Variants in EYS observed in about 807,000 individuals in gnomAD.
The protein encoded by EYS is EGF-like photoreceptor maintenance factor, also known as protein eyes shut homolog.
Under a neutral mutation model 282.1 loss-of-function variants are expected in EYS, and 250 were observed. That is an observed-to-expected ratio of 0.89 (90% confidence interval 0.80 to 0.98). EYS has a LOEUF of 0.98. EYS is among the 50% of genes least tolerant of loss of function. The pLI is 0.00. For missense variants in EYS, 4,016 were observed against 3,709.0 expected, an observed-to-expected ratio of 1.08 and a Z score of -2.15; for synonymous variants, 1,355 against 1,282.9, an observed-to-expected ratio of 1.06 and a Z score of -1.20.
chr6:65,256,092 A>C (rs192231815), intron 12 of EYS, among the ~76,000 whole-genome samples: 1 of 152,194 alleles, frequency 6.6e-6, no homozygotes, highest in Admixed American at 6.6e-5. Flanking sequence ...ATTTGGAAGC[A>C]ACCTGCATGT....
chr6:65,161,077 A>G (rs1764840423), intron 12 of EYS, among the ~76,000 whole-genome samples: 1 of 150,940 alleles, frequency 6.6e-6, no homozygotes, highest in African/African-American at 2.4e-5. Context: ...TTTGGTGTAT[A>G]TTTTATACTC....
chr6:63,792,253 A>G (rs1408011868), intron 37 of EYS, among the ~76,000 whole-genome samples: 1 of 151,854 alleles, frequency 6.6e-6, no homozygotes, highest in East Asian at 2.0e-4. Context: ...ATGATAGCAT[A>G]CTATTCCCAT....
At chr6:64,777,926 AT>A (rs1412794041) in intron 22 of EYS, among the ~76,000 whole-genome samples, 1 of 152,158 alleles carries the variant, frequency 6.6e-6, no homozygotes, top group Non-Finnish European at 1.5e-5. Flanking sequence ...TTAATTAAGA[AT>A]ATGAATGTTT....
At chr6:64,642,978 G>GGT (rs1196798217) in intron 22 of EYS, among the ~76,000 whole-genome samples, 1 of 152,162 alleles carries the variant, frequency 6.6e-6, no homozygotes, top group African/African-American at 2.4e-5. Flanking sequence ...AGCTGGGCGT[G>GGT]GTGGCACATG....
intron 36 of EYS, among the ~76,000 whole-genome samples, chr6:63,829,741 T>C (rs1403407342): frequency 6.6e-6 from 1 of 152,204 alleles, no homozygotes; most frequent in Non-Finnish European, 1.5e-5. Context: ...GAGTTTGAGA[T>C]CTGAGAATGG....
chr6:65,536,656 A>T (rs1415377659), intron 2 of EYS, among the ~76,000 whole-genome samples: 1 of 152,144 alleles, frequency 6.6e-6, no homozygotes, highest in Admixed American at 6.6e-5. Flanking sequence ...CTTGTCTGAG[A>T]TGGTGTAAAA....
At chr6:64,550,052 C>T (rs374107297) in intron 26 of EYS, among the ~76,000 whole-genome samples, 12 of 152,132 alleles carry the variant, frequency 7.9e-5, no homozygotes, top group East Asian at 1.9e-4. Flanking sequence ...CATGTCCCCA[C>T]GAAGCACATG....
intron 26 of EYS, among the ~76,000 whole-genome samples, chr6:64,494,075 C>T (rs1274179404): frequency 6.6e-6 from 1 of 151,546 alleles, no homozygotes; most frequent in Non-Finnish European, 1.5e-5. Context: ...TCACACAGTG[C>T]TAGAAAAACT....
chr6:65,604,470 A>T (rs1765715201), intron 2 of EYS, among the ~76,000 whole-genome samples: 1 of 152,004 alleles, frequency 6.6e-6, no homozygotes, highest in African/African-American at 2.4e-5. Context: ...AAAAGGGAAA[A>T]GTAAAGCCAT....
At chr6:63,766,761 C>T (rs1036062432) in intron 40 of EYS, among the ~76,000 whole-genome samples, 23 of 151,920 alleles carry the variant, frequency 1.5e-4, no homozygotes, top group African/African-American at 5.3e-4. Flanking sequence ...AGGAAATCCA[C>T]CTTTTAGTCA....
chr6:64,412,988 G>C (rs542343786), intron 28 of EYS, among the ~76,000 whole-genome samples: 2 of 152,210 alleles, frequency 1.3e-5, no homozygotes, highest in South Asian at 4.1e-4. Flanking sequence ...GAGGATACTA[G>C]TAGAAGAGAG....
chr6:63,812,668 T>C (rs942985085), intron 36 of EYS, among the ~76,000 whole-genome samples: 7 of 152,088 alleles, frequency 4.6e-5, no homozygotes, highest in Admixed American at 3.3e-4. Flanking sequence ...TAGTAATATA[T>C]ATTATGATAG....
At chr6:64,502,401 T>C (rs1469866953) in intron 26 of EYS, among the ~76,000 whole-genome samples, 1 of 152,234 alleles carries the variant, frequency 6.6e-6, no homozygotes. Context: ...TTTTGTACTT[T>C]TAGTAGAGAC....
At chr6:64,296,581 TATAC>T (rs1200085729) in intron 30 of EYS, among the ~76,000 whole-genome samples, 82 of 6,514 alleles carry the variant, frequency 0.013, no homozygotes, top group African/African-American at 0.06. Context: ...TATATATATA[TATAC>T]ATATATATAT....
At position 64,230,834 on chromosome 6, in the gene EYS, A is replaced by G; in HGVS notation, c.6192-10T>C. On this transcript the variant is annotated splice_polypyrimidine_tract_variant and intron_variant, in intron 30 of 42. Coordinates refer to ENST00000503581, the MANE Select transcript of EYS (RefSeq NM_001142800.2). ...CATAAATCCCTGGGATCTGTGATTT[A>G]TAAACAGACAAGAAAACAAAATATA... is the stretch of plus-strand genomic sequence containing the variant. 6.7e-7 allele frequency: 1 copy of G among 1,503,208 alleles called. No homozygotes were observed. The highest frequency in any genetic ancestry group is 9.0e-7 in the Non-Finnish European group (1 of 1,109,750). The allele number at this position is 1,503,208 out of a possible 1,614,324, so 93.1% of individuals were successfully genotyped here.
At chr6:64,180,223 A>G (rs1582390141) in intron 31 of EYS, among the ~76,000 whole-genome samples, 2 of 152,142 alleles carry the variant, frequency 1.3e-5, no homozygotes, top group Admixed American at 1.3e-4. Flanking sequence ...CCCTTTCCCC[A>G]AAAGACAAGA....
intron 22 of EYS, among the ~76,000 whole-genome samples, chr6:64,812,262 CACACACAG>C (rs1207799298): frequency 2.0e-5 from 3 of 151,862 alleles, no homozygotes; most frequent in Admixed American, 6.6e-5. Flanking sequence ...CACACACACA[CACACACAG>C]GTACACACAC....
chr6:64,326,719 G>A (rs954774260), intron 29 of EYS, among the ~76,000 whole-genome samples: 6 of 152,152 alleles, frequency 3.9e-5, no homozygotes, highest in African/African-American at 1.4e-4. Context: ...GGCACTGCCA[G>A]GAGAGTTTCA....
At chr6:65,351,058 G>T (rs546095927) in intron 9 of EYS, among the ~76,000 whole-genome samples, 1 of 151,740 alleles carries the variant, frequency 6.6e-6, no homozygotes, top group East Asian at 1.9e-4. Flanking sequence ...AAGGAATTTT[G>T]CAATACATAA....
Sources: allele counts gnomAD v4.1 joint callset (sites outside exome capture counted in the v4.1 genomes callset), GRCh38; gene constraint gnomAD v4.1.1; transcripts MANE v1.5; gene names NCBI Gene and HGNC (gene_info 2026-07-23, HGNC 2026-07-21).